Variants in TAFA4 observed in about 807,000 individuals in gnomAD.
The protein encoded by TAFA4 is TAFA chemokine like family member 4, also known as chemokine-like protein TAFA-4.
Under a neutral mutation model 21.1 loss-of-function variants are expected in TAFA4, and 20 were observed. The ratio of observed to expected loss-of-function variants is 0.95; its 90% CI spans 0.67 to 1.38. TAFA4 has a LOEUF of 1.38. Among genes scored for constraint, TAFA4 ranks in the 40% most tolerant of loss-of-function variants. The pLI is 0.00. For missense variants in TAFA4, 211 were observed against 180.9 expected, an observed-to-expected ratio of 1.17 and a Z score of -0.95; for synonymous variants, 71 against 67.4, an observed-to-expected ratio of 1.05 and a Z score of -0.26.
chr3:68,907,793 T>C (rs1423003446), intron 1 of TAFA4, among the ~76,000 whole-genome samples: 1 of 152,008 alleles, frequency 6.6e-6, no homozygotes, highest in Non-Finnish European at 1.5e-5. Flanking sequence ...CTCTAAAGAA[T>C]CCAGGAGAAT....
chr3:68,744,278 A>G (rs745784184), intron 4 of TAFA4, among the ~76,000 whole-genome samples: 1 of 152,200 alleles, frequency 6.6e-6, no homozygotes, highest in Non-Finnish European at 1.5e-5. Context: ...ATGTGGCTGA[A>G]GTGAGAGATG....
intron 5 of TAFA4, 27 bp from the exon 6 acceptor site, chr3:68,733,180 T>A (rs767443371): frequency 1.2e-6 from 2 of 1,612,574 alleles, no homozygotes; most frequent in Admixed American, 3.3e-5. Context: ...TAAGGGAACA[T>A]TCAACACTCT....
intron 5 of TAFA4, 139 bp from the exon 6 acceptor site, chr3:68,733,292 C>A (rs1702185234): frequency 9.2e-7 from 1 of 1,090,244 alleles, no homozygotes; most frequent in Non-Finnish European, 1.3e-6. Flanking sequence ...CTCACCAAAT[C>A]AACAGTTCAA....
chr3:68,919,349 G>A (rs1020745419), intron 1 of TAFA4, among the ~76,000 whole-genome samples: 3 of 152,262 alleles, frequency 2.0e-5, no homozygotes, highest in Middle Eastern at 3.4e-3. Flanking sequence ...TAATGACATC[G>A]TCTTGTTTTC....
At chr3:68,894,223 A>G (rs2089761581) in intron 1 of TAFA4, among the ~76,000 whole-genome samples, 1 of 151,738 alleles carries the variant, frequency 6.6e-6, no homozygotes, top group Non-Finnish European at 1.5e-5. Context: ...CAGTGGCACA[A>G]TCAGGGGTCA....
chr3:68,831,132 C>G (rs778985521), intron 3 of TAFA4, among the ~76,000 whole-genome samples: 1 of 152,152 alleles, frequency 6.6e-6, no homozygotes, highest in African/African-American at 2.4e-5. Context: ...TGAGTCTTGA[C>G]TCTTTATCCA....
intron 4 of TAFA4, among the ~76,000 whole-genome samples, chr3:68,746,911 G>A (rs948382928): frequency 1.3e-4 from 20 of 152,220 alleles, no homozygotes; most frequent in African/African-American, 2.4e-4. Flanking sequence ...TTATCGTGGC[G>A]GTCAATCCTG....
At chr3:68,785,426 A>C (rs1000987021) in intron 3 of TAFA4, among the ~76,000 whole-genome samples, 3 of 152,218 alleles carry the variant, frequency 2.0e-5, no homozygotes, top group Non-Finnish European at 4.4e-5. Flanking sequence ...GGGAAGGCTC[A>C]GGCATGGCGG....
At chr3:68,835,239 C>A (rs532350766) in intron 3 of TAFA4, among the ~76,000 whole-genome samples, 1 of 152,306 alleles carries the variant, frequency 6.6e-6, no homozygotes, top group East Asian at 1.9e-4. Context: ...CCACCTTGCT[C>A]CCTCAATTCC....
At chr3:68,871,326 G>A (rs2089480371) in intron 3 of TAFA4, among the ~76,000 whole-genome samples, 1 of 151,762 alleles carries the variant, frequency 6.6e-6, no homozygotes, top group Non-Finnish European at 1.5e-5. Flanking sequence ...CCTATATTGG[G>A]GAAAGGACAG....
chr3:68,811,851 C>T (rs1228608017), intron 3 of TAFA4, among the ~76,000 whole-genome samples: 1 of 152,012 alleles, frequency 6.6e-6, no homozygotes, highest in South Asian at 2.1e-4. Flanking sequence ...TTGAGAAGAG[C>T]AACTCCAAGA....
At chr3:68,829,578 G>C (rs1422251578) in intron 3 of TAFA4, among the ~76,000 whole-genome samples, 1 of 152,202 alleles carries the variant, frequency 6.6e-6, no homozygotes. Flanking sequence ...TGTGCTGCTG[G>C]ATTCGGTTTG....
At position 68,788,603 on chromosome 3, in the gene TAFA4, C is replaced by T. The variant is rs529717521; in HGVS notation, c.131-35585G>A. On this transcript the variant is annotated intron_variant, in intron 3 of 5. Coordinates refer to ENST00000295569, the MANE Select transcript of TAFA4 (RefSeq NM_182522.5). ...CCTCTAGGAGTTTTATAGTTTTAGG[C>T]GTTGTGTTTACATATTTTTTTTTTA... is the stretch of plus-strand genomic sequence containing the variant. 5.3e-5 allele frequency among the ~76,000 whole-genome samples: 8 copies of T among 151,838 alleles called. No homozygotes were observed. The East Asian group carries it at 9.7e-4, about 18-fold the overall frequency.
chr3:68,810,909 G>T (rs537492556), intron 3 of TAFA4, among the ~76,000 whole-genome samples: 1 of 152,290 alleles, frequency 6.6e-6, no homozygotes, highest in Admixed American at 6.5e-5. Context: ...TAGCCTAACT[G>T]GGAGGCAACC....
At chr3:68,908,200 A>G (rs933276515) in intron 1 of TAFA4, among the ~76,000 whole-genome samples, 3 of 152,214 alleles carry the variant, frequency 2.0e-5, no homozygotes, top group Non-Finnish European at 2.9e-5. Flanking sequence ...ATCTACATCA[A>G]TTTAGAATGT....
Position 68,832,397 on chromosome 3 carries a change from T to A in TAFA4, c.130+48333A>T, listed in dbSNP as rs147775255. Among the ~76,000 whole-genome samples the A allele has an allele frequency of 3.9e-4, 60 of 152,328 alleles. 3 individuals carry two copies. In the East Asian group the frequency reaches 0.012, roughly 29 times the overall value. ...TGTCCTTTTTTGTTGATGTTGATGCTACTCCTTTCTGTTTGTTAGTTTTCC... is the reference window on the plus strand; with the variant it reads ...TGTCCTTTTTTGTTGATGTTGATGCAACTCCTTTCTGTTTGTTAGTTTTCC... On this transcript the variant is annotated intron_variant, in intron 3 of 5. Coordinates refer to ENST00000295569, the MANE Select transcript of TAFA4 (RefSeq NM_182522.5).
At chr3:68,875,427 T>C (rs1259999387) in intron 3 of TAFA4, among the ~76,000 whole-genome samples, 2 of 152,296 alleles carry the variant, frequency 1.3e-5, no homozygotes, top group East Asian at 3.9e-4. Context: ...CACTATCTTA[T>C]GGATGCCTTT....
chr3:68,811,603 G>A (rs1703841152), intron 3 of TAFA4, among the ~76,000 whole-genome samples: 1 of 152,138 alleles, frequency 6.6e-6, no homozygotes, highest in South Asian at 2.1e-4. Flanking sequence ...ATGAAATGAA[G>A]CGAGAAGAGA....
chr3:68,899,180 T>G (rs928437376), intron 1 of TAFA4, among the ~76,000 whole-genome samples: 1 of 152,116 alleles, frequency 6.6e-6, no homozygotes, highest in Non-Finnish European at 1.5e-5. Flanking sequence ...CCAAAGAAAA[T>G]TTAGCATCCA....
Sources: gnomAD v4.1 joint callset for allele counts (sites outside exome capture counted in the v4.1 genomes callset) on GRCh38, gnomAD v4.1.1 for gene constraint, MANE v1.5 for transcripts, NCBI Gene and HGNC (gene_info 2026-07-23, HGNC 2026-07-21) for gene names.